Variants in SMAP1 observed in about 807,000 individuals in gnomAD.
SMAP1 encodes small ArfGAP 1, also known as stromal membrane-associated protein 1.
SMAP1 carries 24 observed loss-of-function variants against 58.5 expected under a neutral mutation model. The observed-to-expected ratio is 0.41, with a 90% CI of 0.30 to 0.58. SMAP1 has a LOEUF of 0.58. SMAP1 is among the 20% of genes least tolerant of loss of function. The pLI, the probability that SMAP1 is intolerant of heterozygous loss-of-function variation, is 0.29. For synonymous variants in SMAP1, 216 were observed against 196.6 expected (o/e 1.10, Z -0.82); for missense variants, 563 against 566.3 (o/e 0.99, Z 0.06).
rs564897005 is a variant in SMAP1 at position 70,766,273 on chromosome 6, G to C, written c.339-7077G>C. On this transcript the variant is annotated intron_variant, in intron 3 of 10. Coordinates refer to ENST00000370455, the MANE Select transcript of SMAP1 (RefSeq NM_001044305.3). The stretch of plus-strand genomic sequence containing the variant: ...TGGGTACATACCTAGTAATGGGATG[G>C]CTGGGTCAAATGGTATTTCTAGTTC... 3.3e-5 allele frequency among the ~76,000 whole-genome samples: 5 copies of C among 152,246 alleles called. No homozygotes were observed. In the South Asian group the frequency reaches 6.2e-4, roughly 19 times the overall value.
At chr6:70,765,392 T>TA in intron 3 of SMAP1, among the ~76,000 whole-genome samples, 2 of 152,280 alleles carry the variant, frequency 1.3e-5, no homozygotes, top group East Asian at 3.9e-4. Context: ...CATTTCTAAA[T>TA]AAAGACCCAT....
chr6:70,771,557 G>T (rs190705163), intron 3 of SMAP1, among the ~76,000 whole-genome samples: 7 of 152,206 alleles, frequency 4.6e-5, no homozygotes, highest in South Asian at 2.1e-4. Flanking sequence ...CTCCGAGCCA[G>T]GTGTGGGATA....
intron 5 of SMAP1, among the ~76,000 whole-genome samples, chr6:70,793,638 A>G (rs1263278337): frequency 9.3e-5 from 13 of 139,602 alleles, no homozygotes; most frequent in Admixed American, 7.2e-4. Flanking sequence ...AGGGGAGGAG[A>G]GTAGTTAGAG....
chr6:70,679,508 T>C (rs1367251356), intron 1 of SMAP1, among the ~76,000 whole-genome samples: 2 of 152,158 alleles, frequency 1.3e-5, no homozygotes, highest in African/African-American at 4.8e-5. Flanking sequence ...AGAAAAGCTA[T>C]TAGAATGAAT....
chr6:70,782,293 A>G (rs1462327583), intron 4 of SMAP1, among the ~76,000 whole-genome samples: 1 of 152,254 alleles, frequency 6.6e-6, no homozygotes, highest in Non-Finnish European at 1.5e-5. Context: ...CTTTCAAAGA[A>G]CAATTACTGA....
intron 10 of SMAP1, chr6:70,859,514 TATTAA>T (rs1373907032): frequency 6.6e-6 from 5 of 757,168 alleles, no homozygotes; most frequent in Admixed American, 3.0e-5. Context: ...AAGTCAAATG[TATTAA>T]ATTAAGAACA....
At chr6:70,765,737 A>AT (rs1218348203) in intron 3 of SMAP1, among the ~76,000 whole-genome samples, 3 of 151,392 alleles carry the variant, frequency 2.0e-5, no homozygotes, top group East Asian at 3.9e-4. Context: ...TTTATTTTTT[A>AT]TTTATTTTTA....
At chr6:70,778,441 C>CT (rs1767630167) in intron 4 of SMAP1, among the ~76,000 whole-genome samples, 1 of 152,104 alleles carries the variant, frequency 6.6e-6, no homozygotes, top group African/African-American at 2.4e-5. Context: ...TTATGAAATT[C>CT]TTTTTCTGTA....
At chr6:70,682,202 T>G (rs1432499459) in intron 1 of SMAP1, among the ~76,000 whole-genome samples, 1 of 97,874 alleles carries the variant, frequency 1.0e-5, no homozygotes, top group African/African-American at 5.4e-5. Flanking sequence ...TTTTTTTTTT[T>G]TTTTGAGATA....
At chr6:70,715,880 C>T (rs1310120428) in intron 1 of SMAP1, among the ~76,000 whole-genome samples, 1 of 139,010 alleles carries the variant, frequency 7.2e-6, no homozygotes, top group Non-Finnish European at 1.6e-5. Flanking sequence ...TTATCCCTCA[C>T]CCGCTTTCCA....
chr6:70,695,041 A>G (rs1202142584), intron 1 of SMAP1, among the ~76,000 whole-genome samples: 3 of 151,888 alleles, frequency 2.0e-5, no homozygotes, highest in Non-Finnish European at 2.9e-5. Flanking sequence ...ATCTCATTGT[A>G]TTTGTAGCTG....
chr6:70,759,837 A>G (rs1394468038), intron 3 of SMAP1: 1 of 445,902 alleles, frequency 2.2e-6, no homozygotes, highest in Non-Finnish European at 4.5e-6. Context: ...GTGAAGATAT[A>G]ATACTGGAAA....
intron 1 of SMAP1, among the ~76,000 whole-genome samples, chr6:70,712,121 C>T (rs1038521698): frequency 6.6e-6 from 1 of 152,048 alleles, no homozygotes; most frequent in East Asian, 1.9e-4. Flanking sequence ...CTTATTCTGT[C>T]GAAAGTTTTT....
intron 2 of SMAP1, among the ~76,000 whole-genome samples, chr6:70,741,618 G>T (rs761796256): frequency 1.2e-4 from 19 of 152,128 alleles, no homozygotes; most frequent in Admixed American, 3.3e-4. Context: ...GCAAGCTGTT[G>T]CTGGATCTAC....
intron 3 of SMAP1, among the ~76,000 whole-genome samples, chr6:70,763,453 C>G (rs945655194): frequency 6.6e-6 from 1 of 152,108 alleles, no homozygotes; most frequent in African/African-American, 2.4e-5. Flanking sequence ...CCTTTCTTTT[C>G]CTCTGCACTC....
intron 6 of SMAP1, among the ~76,000 whole-genome samples, chr6:70,803,849 T>C (rs1380857844): frequency 6.6e-6 from 1 of 152,228 alleles, no homozygotes; most frequent in Non-Finnish European, 1.5e-5. Flanking sequence ...TACTGTGTCC[T>C]GAGAGACAGT....
intron 2 of SMAP1, among the ~76,000 whole-genome samples, chr6:70,734,293 G>A (rs779694050): frequency 3.9e-5 from 6 of 151,990 alleles, no homozygotes; most frequent in African/African-American, 7.2e-5. Flanking sequence ...TTACAGGTGC[G>A]TGCCACCATG....
intron 5 of SMAP1, among the ~76,000 whole-genome samples, chr6:70,794,868 A>G (rs1443296553): frequency 1.3e-5 from 2 of 148,506 alleles, no homozygotes; most frequent in Admixed American, 6.8e-5. Context: ...AGCTCACTGC[A>G]AGCTCTGCCT....
Position 70,858,250 on chromosome 6 carries a change from A to G in SMAP1, c.1269+21A>G, listed in dbSNP as rs372123234. On this transcript the variant is annotated intron_variant, in intron 10 of 10. Coordinates refer to ENST00000370455, the MANE Select transcript of SMAP1 (RefSeq NM_001044305.3). ...CACAGGTAGGGGTCATTTACTTTCT[A>G]GCTTCTCCCAAATCAAACCAGATTT... 7.5e-5 allele frequency: 95 copies of G among 1,268,998 alleles called. No homozygotes were observed. The African/African-American group carries it at 1.1e-3, about 14-fold the overall frequency. The allele number at this position is 1,268,998 out of a possible 1,614,324, so 78.6% of individuals were successfully genotyped here.
Sources: gnomAD v4.1 joint callset for allele counts (sites outside exome capture counted in the v4.1 genomes callset) on GRCh38, gnomAD v4.1.1 for gene constraint, MANE v1.5 for transcripts, NCBI Gene and HGNC (gene_info 2026-07-23, HGNC 2026-07-21) for gene names.